The following CYYR1 variants were observed in gnomAD, a reference collection of about 807,000 sequenced individuals.
CYYR1 encodes the protein cysteine and tyrosine-rich protein 1.
In CYYR1, 14 loss-of-function variants were observed where a neutral mutation model predicts 15.2. The ratio of observed to expected loss-of-function variants is 0.92; its 90% CI spans 0.61 to 1.44. The LOEUF is 1.44. Among genes scored for constraint, CYYR1 ranks in the 40% most tolerant of loss-of-function variants. The pLI is 0.00. For synonymous variants in CYYR1, 80 were observed against 77.4 expected, an observed-to-expected ratio of 1.03 and a Z score of -0.18; for missense variants, 228 against 209.5, an observed-to-expected ratio of 1.09 and a Z score of -0.54.
At chr21:26,486,323 G>A (rs748448832) in intron 2 of CYYR1, among the ~76,000 whole-genome samples, 1 of 151,954 alleles carries the variant, frequency 6.6e-6, no homozygotes, top group Non-Finnish European at 1.5e-5. Context: ...GGGGTCATAC[G>A]TGGGAACTTT....
intron 2 of CYYR1, among the ~76,000 whole-genome samples, chr21:26,501,766 A>G (rs919777064): frequency 6.6e-6 from 1 of 152,196 alleles, no homozygotes; most frequent in Non-Finnish European, 1.5e-5. Context: ...CTGACAAGTA[A>G]TACCCACTTA....
At chr21:26,558,568 G>A (rs569953577) in intron 2 of CYYR1, among the ~76,000 whole-genome samples, 120 of 152,224 alleles carry the variant, frequency 7.9e-4, no homozygotes, top group African/African-American at 2.7e-3. Context: ...GGACCATCCA[G>A]GTTGCTGCAC....
intron 2 of CYYR1, among the ~76,000 whole-genome samples, chr21:26,497,454 T>A (rs1018608125): frequency 3.9e-5 from 6 of 152,162 alleles, no homozygotes; most frequent in African/African-American, 1.2e-4. Context: ...GCAAGAGTGC[T>A]ATGAGAAGAA....
chr21:26,562,513 T>C (rs1980272553), intron 2 of CYYR1, among the ~76,000 whole-genome samples: 1 of 152,108 alleles, frequency 6.6e-6, no homozygotes, highest in Admixed American at 6.5e-5. Flanking sequence ...TATTCCTACA[T>C]ATATTCAAAG....
At chr21:26,495,451 C>T (rs2065386249) in intron 2 of CYYR1, among the ~76,000 whole-genome samples, 1 of 152,200 alleles carries the variant, frequency 6.6e-6, no homozygotes, top group Admixed American at 6.5e-5. Flanking sequence ...ATGTTTACTT[C>T]CTGTCACTTC....
chr21:26,524,357 A>G (rs542361155), intron 2 of CYYR1, among the ~76,000 whole-genome samples: 12 of 152,330 alleles, frequency 7.9e-5, no homozygotes, highest in African/African-American at 2.9e-4. Flanking sequence ...ATTTAATCCA[A>G]CAATTTCAAA....
intron 2 of CYYR1, among the ~76,000 whole-genome samples, chr21:26,530,612 A>T (rs1444685179): frequency 6.6e-6 from 1 of 151,598 alleles, no homozygotes; most frequent in East Asian, 1.9e-4. Flanking sequence ...TCCCTCCCCT[A>T]TCCCCCAACC....
chr21:26,497,526 T>A (rs2065424110), intron 2 of CYYR1, among the ~76,000 whole-genome samples: 1 of 152,170 alleles, frequency 6.6e-6, no homozygotes, highest in Non-Finnish European at 1.5e-5. Context: ...TGACTTATAT[T>A]TTTCCCTTCT....
At position 26,466,836 on chromosome 21, in the gene CYYR1, T is replaced by C. The variant is rs1361137264; in HGVS notation, c.*1665A>G. 1 of 152,156 alleles carries C rather than the reference T, an allele frequency of 6.6e-6. No homozygotes were observed. Among genetic ancestry groups the C allele is most frequent in the East Asian group, 1.9e-4 (1 of 5,200 alleles). The allele number at this position is 152,156 out of a possible 1,614,324, so 9.4% of individuals were successfully genotyped here. A position where few individuals can be genotyped will look rare whatever the true frequency, so the allele number is the denominator to read the frequency against. On this transcript the variant is annotated 3_prime_UTR_variant, in exon 4 of 4. Transcript: ENST00000652641. The stretch of plus-strand genomic sequence containing the variant: ...AACAGGCTGAAACTCTTGAATGCTT[T>C]GCATCCTCATATATAAGAAAATCAT...
intron 3 of CYYR1, among the ~76,000 whole-genome samples, chr21:26,479,325 G>A (rs534918061): frequency 3.7e-4 from 56 of 151,768 alleles, no homozygotes; most frequent in African/African-American, 1.3e-3. Flanking sequence ...AAGATTGACA[G>A]AGGAAGGACA....
At chr21:26,494,385 G>C (rs8126736) in intron 2 of CYYR1, among the ~76,000 whole-genome samples, 27,331 of 152,020 alleles carry the variant, frequency 0.18, 3,073 homozygotes, top group African/African-American at 0.3. Flanking sequence ...GGGAGAAAGA[G>C]AATATCTTCT....
chr21:26,503,415 C>A (rs1197101809), intron 2 of CYYR1, among the ~76,000 whole-genome samples: 2 of 151,956 alleles, frequency 1.3e-5, no homozygotes, highest in Non-Finnish European at 2.9e-5. Flanking sequence ...TATTGTGAAA[C>A]AAATATTGAA....
At chr21:26,567,769 A>G (rs1980740042) in intron 1 of CYYR1, among the ~76,000 whole-genome samples, 1 of 152,200 alleles carries the variant, frequency 6.6e-6, no homozygotes, top group Non-Finnish European at 1.5e-5. Flanking sequence ...ACGTCCATGT[A>G]ACTGATTTAT....
intron 2 of CYYR1, among the ~76,000 whole-genome samples, chr21:26,524,887 C>T (rs2065844775): frequency 6.6e-6 from 1 of 152,142 alleles, no homozygotes; most frequent in Non-Finnish European, 1.5e-5. Flanking sequence ...TGAGAAATGT[C>T]AATGTCATGC....
intron 2 of CYYR1, among the ~76,000 whole-genome samples, chr21:26,490,996 GA>G (rs1159296221): frequency 1.3e-5 from 2 of 152,148 alleles, no homozygotes; most frequent in Non-Finnish European, 2.9e-5. Context: ...ACGGGGGAGT[GA>G]GTGAAAGGCA....
At chr21:26,563,701 G>A (rs1044580678) in intron 2 of CYYR1, among the ~76,000 whole-genome samples, 2 of 152,142 alleles carry the variant, frequency 1.3e-5, no homozygotes, top group African/African-American at 2.4e-5. Context: ...AAACAGCAAA[G>A]GCAATTGAAG....
chr21:26,521,338 G>A (rs547569347), intron 2 of CYYR1, among the ~76,000 whole-genome samples: 2 of 152,310 alleles, frequency 1.3e-5, no homozygotes, highest in East Asian at 3.9e-4. Flanking sequence ...AACCAGCCCA[G>A]ACTGATATTG....
At chr21:26,534,406 G>T (rs2065969573) in intron 2 of CYYR1, among the ~76,000 whole-genome samples, 1 of 152,080 alleles carries the variant, frequency 6.6e-6, no homozygotes, top group Non-Finnish European at 1.5e-5. Context: ...TGCCCCTCCT[G>T]ATCTACTCTC....
intron 2 of CYYR1, among the ~76,000 whole-genome samples, chr21:26,530,455 A>T (rs958530431): frequency 6.6e-6 from 1 of 151,866 alleles, no homozygotes; most frequent in Admixed American, 6.6e-5. Context: ...GCATTTTATA[A>T]TATTAATTTT....
Sources: allele counts gnomAD v4.1 joint callset (sites outside exome capture counted in the v4.1 genomes callset), GRCh38; gene constraint gnomAD v4.1.1; transcripts MANE v1.5; gene names NCBI Gene and HGNC (gene_info 2026-07-23, HGNC 2026-07-21).